The following PTPRD variants were observed in gnomAD, a reference collection of about 807,000 sequenced individuals.
PTPRD encodes receptor-type tyrosine-protein phosphatase delta.
Under a neutral mutation model 214.5 loss-of-function variants are expected in PTPRD, and 34 were observed. The observed-to-expected ratio is 0.16, with a 90% CI of 0.12 to 0.21. The LOEUF (loss-of-function observed/expected upper bound fraction) is 0.21. Among genes scored for constraint, PTPRD ranks in the 10% least tolerant of loss-of-function variants. The pLI, the probability that PTPRD is intolerant of heterozygous loss-of-function variation, is 1.00. For missense variants in PTPRD, 2,545 were observed against 2,398.7 expected (o/e 1.06, Z -1.27); for synonymous variants, 1,128 against 845.7 (o/e 1.33, Z -5.79).
intron 10 of PTPRD, among the ~76,000 whole-genome samples, chr9:9,076,463 G>T (rs540682423): frequency 2.0e-5 from 3 of 151,952 alleles, no homozygotes; most frequent in Admixed American, 2.0e-4. Context: ...ACTCCTCCCA[G>T]CCTCTGGTAA....
chr9:9,758,265 C>A (rs2098608417), intron 6 of PTPRD, among the ~76,000 whole-genome samples: 1 of 151,238 alleles, frequency 6.6e-6, no homozygotes, highest in East Asian at 1.9e-4. Context: ...TCTCTTACTT[C>A]CATTCGCTTG....
chr9:9,970,585 G>A (rs1164205064), intron 4 of PTPRD, among the ~76,000 whole-genome samples: 1 of 152,068 alleles, frequency 6.6e-6, no homozygotes, highest in Admixed American at 6.6e-5. Context: ...CCCCCACACA[G>A]GGCAGACAAG....
chr9:8,686,332 G>A (rs1555129399), intron 12 of PTPRD, among the ~76,000 whole-genome samples: 1 of 152,126 alleles, frequency 6.6e-6, no homozygotes, highest in Non-Finnish European at 1.5e-5. Flanking sequence ...TGGAATCTGA[G>A]TTCATGTACA....
intron 7 of PTPRD, among the ~76,000 whole-genome samples, chr9:9,661,286 C>G (rs1349780178): frequency 6.6e-6 from 1 of 151,900 alleles, no homozygotes; most frequent in Non-Finnish European, 1.5e-5. Flanking sequence ...ATACTGGCCA[C>G]TACCCCAAAA....
chr9:8,671,524 C>T (rs776198144), intron 12 of PTPRD, among the ~76,000 whole-genome samples: 14 of 152,040 alleles, frequency 9.2e-5, no homozygotes, highest in Non-Finnish European at 1.9e-4. Flanking sequence ...TTTCCTGAAT[C>T]CATTTTCTAA....
chr9:9,224,143 TGA>T (rs1198408086), intron 9 of PTPRD, among the ~76,000 whole-genome samples: 1 of 152,032 alleles, frequency 6.6e-6, no homozygotes, highest in African/African-American at 2.4e-5. Context: ...ATGAGGAAGT[TGA>T]GAGAGAGACA....
intron 2 of PTPRD, among the ~76,000 whole-genome samples, chr9:10,472,644 A>G (rs564352056): frequency 6.6e-6 from 1 of 152,258 alleles, no homozygotes; most frequent in East Asian, 1.9e-4. Context: ...CTTCTTTTGA[A>G]TAGTATCCAA....
chr9:10,292,524 G>C (rs2095556256), intron 3 of PTPRD, among the ~76,000 whole-genome samples: 1 of 151,938 alleles, frequency 6.6e-6, no homozygotes, highest in African/African-American at 2.4e-5. Flanking sequence ...GAGTGAAGAA[G>C]ACACAAGCTA....
At chr9:9,051,996 A>G (rs375409082) in intron 10 of PTPRD, among the ~76,000 whole-genome samples, 5 of 152,320 alleles carry the variant, frequency 3.3e-5, no homozygotes, top group East Asian at 1.9e-4. Flanking sequence ...CTGGATTGCT[A>G]TAACAAAAAT....
intron 8 of PTPRD, among the ~76,000 whole-genome samples, chr9:9,569,683 G>C (rs1257609893): frequency 6.6e-6 from 1 of 151,560 alleles, no homozygotes; most frequent in Non-Finnish European, 1.5e-5. Flanking sequence ...GGTTGATAAA[G>C]TTTGCCTTTA....
At chr9:9,095,497 A>C (rs767321534) in intron 10 of PTPRD, among the ~76,000 whole-genome samples, 4 of 152,142 alleles carry the variant, frequency 2.6e-5, no homozygotes, top group African/African-American at 9.7e-5. Context: ...GTATATTAAA[A>C]ATATATATCT....
At chr9:9,719,937 G>C (rs529241446) in intron 7 of PTPRD, among the ~76,000 whole-genome samples, 6 of 152,174 alleles carry the variant, frequency 3.9e-5, no homozygotes, top group Admixed American at 3.3e-4. Context: ...TAGCCAACAT[G>C]ACTAACTGTG....
intron 35 of PTPRD, among the ~76,000 whole-genome samples, chr9:8,427,082 C>T (rs1274173274): frequency 1.3e-5 from 2 of 152,100 alleles, no homozygotes; most frequent in Non-Finnish European, 2.9e-5. Flanking sequence ...CTTGGTGAGA[C>T]TGGTCCTTAA....
At chr9:9,503,751 GC>G (rs946948952) in intron 8 of PTPRD, among the ~76,000 whole-genome samples, 6 of 151,532 alleles carry the variant, frequency 4.0e-5, no homozygotes, top group Admixed American at 1.3e-4. Context: ...AGAAGGGAGG[GC>G]CCTCACACAC....
At chr9:10,588,925 T>C (rs2074669026) in intron 2 of PTPRD, among the ~76,000 whole-genome samples, 1 of 152,090 alleles carries the variant, frequency 6.6e-6, no homozygotes, top group Non-Finnish European at 1.5e-5. Flanking sequence ...ACTTGGTCTA[T>C]TTCTCTCACT....
intron 8 of PTPRD, among the ~76,000 whole-genome samples, chr9:9,411,706 C>T (rs1170354167): frequency 2.6e-5 from 4 of 152,148 alleles, no homozygotes; most frequent in Admixed American, 6.5e-5. Flanking sequence ...AGGCAAATGG[C>T]GAGAATGCCT....
chr9:8,406,090 T>C (rs924674913), intron 35 of PTPRD, among the ~76,000 whole-genome samples: 2 of 152,154 alleles, frequency 1.3e-5, no homozygotes, highest in African/African-American at 4.8e-5. Flanking sequence ...AGTCAATCAA[T>C]GAGCAGTATT....
intron 2 of PTPRD, among the ~76,000 whole-genome samples, chr9:10,471,141 G>C (rs1350984043): frequency 1.5e-5 from 2 of 130,048 alleles, no homozygotes. Context: ...ACCAGGGCCT[G>C]TTGTGGGTTG....
chr9:10,230,936 G>A lies in PTPRD; in HGVS notation c.-545+110027C>T, dbSNP rs116935158. On this transcript the variant is annotated intron_variant, in intron 3 of 45. Transcript: ENST00000381196. ...ATAACTCTAGGCTATCACGTACATT[G>A]GTAGATTATTGAGAATCTTATCTAC... Among the ~76,000 whole-genome samples, 89 of 151,930 alleles carry A rather than the reference G, an allele frequency of 5.9e-4. No individual in the cohort carries two copies. The East Asian group carries it at 0.016, about 28-fold the overall frequency.
Sources: allele counts gnomAD v4.1 joint callset (sites outside exome capture counted in the v4.1 genomes callset), GRCh38; gene constraint gnomAD v4.1.1; transcripts MANE v1.5; gene names NCBI Gene and HGNC (gene_info 2026-07-23, HGNC 2026-07-21).